EFCAB12: variants seen among roughly 807,000 people sequenced by gnomAD.
EFCAB12 encodes the protein EF-hand calcium-binding domain-containing protein 12.
EFCAB12 carries 43 observed loss-of-function variants against 53.6 expected under a neutral mutation model. The ratio of observed to expected loss-of-function variants is 0.80; its 90% CI spans 0.63 to 1.03. EFCAB12 has a LOEUF of 1.03. Ranked by LOEUF, EFCAB12 falls within the 50% of genes least tolerant of loss-of-function variation. The pLI is 0.00. For synonymous variants in EFCAB12, 269 were observed against 289.2 expected (o/e 0.93, Z 0.71); for missense variants, 646 against 730.6 (o/e 0.88, Z 1.34).
At chr3:129,416,617 A>G (rs1169887606) in intron 3 of EFCAB12, among the ~76,000 whole-genome samples, 1 of 152,226 alleles carries the variant, frequency 6.6e-6, no homozygotes, top group African/African-American at 2.4e-5. Flanking sequence ...CATCACAGTC[A>G]ACTCCCTAAA....
In EFCAB12 at chr3:129,408,835, G is replaced by C; in HGVS notation, c.1059C>G (p.Tyr353Ter). The C allele has an allele frequency of 6.4e-7, 1 of 1,572,894 alleles. No homozygotes were observed. The highest frequency in any genetic ancestry group is 8.6e-7 in the Non-Finnish European group (1 of 1,159,078). Residue 353 changes from tyrosine to a stop codon, truncating the protein, a stop_gained, in exon 6 of 9, where the codon TAC becomes TAG. Coordinates refer to ENST00000505956, the MANE Select transcript of EFCAB12 (RefSeq NM_207307.3). LOFTEE classifies it high-confidence loss of function. ...AGCGCACCAGGTGACATTGCTCCGT[G>C]TACTGGATGGAGGGGATCGTGAGCT... ...QHKLTIPSIQ[Y>*]TEQCHLVRCG... is the part of the protein sequence containing the mutation.
At chr3:129,415,528 T>C in intron 3 of EFCAB12, 127 bp from the exon 4 acceptor site, 1 of 1,190,486 alleles carries the variant, frequency 8.4e-7, no homozygotes, top group Non-Finnish European at 1.2e-6. Context: ...CACTCCCTAC[T>C]ATACCCAAGG....
chr3:129,427,021 G>A (rs1223446245), intron 1 of EFCAB12, among the ~76,000 whole-genome samples: 1 of 151,192 alleles, frequency 6.6e-6, no homozygotes, highest in Non-Finnish European at 1.5e-5. Flanking sequence ...CTAATTTTTT[G>A]TATTTTTAGT....
At position 129,404,517 on chromosome 3, in the gene EFCAB12, G is replaced by A. The variant is rs1422784244; in HGVS notation, c.1250-114C>T. 36 of 1,216,320 alleles carry A rather than the reference G, an allele frequency of 3.0e-5. No individual in the cohort carries two copies. The Admixed American group carries it at 4.9e-4, about 17-fold the overall frequency. The allele number at this position is 1,216,320 out of a possible 1,614,324, so 75.3% of individuals were successfully genotyped here. A position where few individuals can be genotyped will look rare whatever the true frequency, so the allele number is the denominator to read the frequency against. On this transcript the variant is annotated intron_variant, in intron 6 of 8. Coordinates refer to ENST00000505956, the MANE Select transcript of EFCAB12 (RefSeq NM_207307.3). Reference sequence around the variant, plus strand: ...TTTTTTTAATTCACATTTTTAAGACGTTTTCTTCTTATCTATATAGTAACT... The same window carrying A: ...TTTTTTTAATTCACATTTTTAAGACATTTTCTTCTTATCTATATAGTAACT...
chr3:129,404,493 T>A, intron 6 of EFCAB12, 90 bp from the exon 7 acceptor site: 1 of 1,370,000 alleles, frequency 7.3e-7, no homozygotes, highest in Non-Finnish European at 9.5e-7. Flanking sequence ...TGTTTTTTTT[T>A]TTTTTAATTC....
intron 1 of EFCAB12, among the ~76,000 whole-genome samples, chr3:129,427,915 T>C (rs1016538494): frequency 6.6e-6 from 1 of 152,230 alleles, no homozygotes; most frequent in African/African-American, 2.4e-5. Context: ...CCCTTTTGGC[T>C]TGGAGAACTC....
chr3:129,408,533 C>T, intron 6 of EFCAB12, 112 bp downstream of exon 6: 4 of 1,164,892 alleles, frequency 3.4e-6, no homozygotes, highest in Non-Finnish European at 4.9e-6. Flanking sequence ...ATGTCCCCAC[C>T]AGAGATTACA....
At chr3:129,420,583 G>C (rs2072176116) in intron 2 of EFCAB12, among the ~76,000 whole-genome samples, 2 of 152,138 alleles carry the variant, frequency 1.3e-5, no homozygotes, top group East Asian at 3.8e-4. Flanking sequence ...CCTCACAATA[G>C]CTTGCTACAT....
At chr3:129,402,114 A>C (rs2071880117) in intron 8 of EFCAB12, among the ~76,000 whole-genome samples, 1 of 152,202 alleles carries the variant, frequency 6.6e-6, no homozygotes, top group Non-Finnish European at 1.5e-5. Context: ...AATGCCTCTA[A>C]ACTCAAAGTC....
In EFCAB12 at chr3:129,411,205, T is replaced by C. The variant is rs775374504; in HGVS notation, c.988A>G (p.Met330Val). Residue 330 changes from methionine to valine, a missense_variant, in exon 5 of 9, where the codon ATG (methionine) becomes GTG (valine). Physicochemically the swap from Met to Val is conservative, Grantham distance 21 (BLOSUM62 1). Transcript: ENST00000505956. ...CGGTACCGCTTGCCCACTTCCTCCA[T>C]CTCCTCCAGGGTCATGGGCCGCGTC... Reference protein sequence around the residue: ...METRPMTLEEMEEVGKRYRER... With the variant: ...METRPMTLEEVEEVGKRYRER... 6.2e-7 allele frequency: 1 copy of C among 1,612,910 alleles called. No individual in the cohort carries two copies.
At chr3:129,408,544 GTGGCT>G in intron 6 of EFCAB12, 96 bp downstream of exon 6, 1 of 1,266,514 alleles carries the variant, frequency 7.9e-7, no homozygotes, top group Admixed American at 2.1e-5. Context: ...AGAGATTACA[GTGGCT>G]TGAATGGCTG....
chr3:129,410,350 T>C (rs577372256), intron 5 of EFCAB12, among the ~76,000 whole-genome samples: 23 of 151,052 alleles, frequency 1.5e-4, no homozygotes, highest in Admixed American at 6.6e-4. Context: ...AAGATCTTGC[T>C]CTTTCCCCTC....
rs187407770 is a variant in EFCAB12 at position 129,418,417 on chromosome 3, C to T, written c.518G>A (p.Arg173His). The T allele has an allele frequency of 9.6e-4, 1,540 of 1,610,652 alleles. 17 individuals are homozygous for T. In the African/African-American group the frequency reaches 0.018, roughly 19 times the overall value. Residue 173 changes from arginine (R) to histidine (H), a missense_variant, in exon 3 of 9, where the codon CGC becomes CAC. By Grantham distance (29) the Arg-to-His change is conservative (BLOSUM62 0). Transcript: ENST00000505956. Reference protein sequence around the residue: ...KKAPRLSRLSRQMVPQLQLPE... With the variant: ...KKAPRLSRLSHQMVPQLQLPE... ...CAGCTGGAGCTGGGGCACCATCTGG[C>T]GGGACAGCCGGGAGAGCCTGGGGGC...
chr3:129,420,272 T>C (rs1577050434), intron 2 of EFCAB12, among the ~76,000 whole-genome samples: 1 of 152,222 alleles, frequency 6.6e-6, no homozygotes. Context: ...AGGCACCTTA[T>C]ATAAATGAAT....
chr3:129,401,889 A>G, intron 8 of EFCAB12, 38 bp from the exon 9 acceptor site: 8 of 1,596,176 alleles, frequency 5.0e-6, no homozygotes, highest in Non-Finnish European at 6.8e-6. Context: ...TTGTCATGGC[A>G]GACAGGCCAG....
chr3:129,408,895 G>T (rs550988228), intron 5 of EFCAB12, 37 bp from the exon 6 acceptor site: 2 of 1,544,778 alleles, frequency 1.3e-6, no homozygotes, highest in South Asian at 1.2e-5. Context: ...CCCTTCTCTC[G>T]CCTGTGTCCC....
intron 1 of EFCAB12, among the ~76,000 whole-genome samples, chr3:129,423,051 A>G (rs9813687): frequency 0.064 from 9,683 of 152,174 alleles, 916 homozygotes; most frequent in East Asian, 0.43. Flanking sequence ...GGACAGACCT[A>G]TGATGCTGGT....
intron 1 of EFCAB12, among the ~76,000 whole-genome samples, chr3:129,428,015 T>A (rs560641828): frequency 1.3e-5 from 2 of 152,202 alleles, no homozygotes; most frequent in African/African-American, 2.4e-5. Flanking sequence ...CACCTTTTAC[T>A]CCTGGGTGTC....
chr3:129,408,100 A>T (rs1003380036), intron 6 of EFCAB12, among the ~76,000 whole-genome samples: 2 of 152,200 alleles, frequency 1.3e-5, no homozygotes, highest in Admixed American at 1.3e-4. Flanking sequence ...AGAGGGAAGA[A>T]GCAGTGTGGA....
Sources: allele counts gnomAD v4.1 joint callset (sites outside exome capture counted in the v4.1 genomes callset), GRCh38; gene constraint gnomAD v4.1.1; transcripts MANE v1.5; gene names NCBI Gene and HGNC (gene_info 2026-07-23, HGNC 2026-07-21).